The following ADK variants were observed in gnomAD, a reference collection of about 807,000 sequenced individuals.
ADK encodes adenosine kinase.
ADK carries 24 observed loss-of-function variants against 44.7 expected under a neutral mutation model. The ratio of observed to expected loss-of-function variants is 0.54; its 90% CI spans 0.39 to 0.76. The LOEUF (loss-of-function observed/expected upper bound fraction) is 0.76. Ranked by LOEUF, ADK falls within the 30% of genes least tolerant of loss-of-function variation. ADK has a pLI of 0.00. For missense variants in ADK, 321 were observed against 425.1 expected (o/e 0.76, Z 2.15); for synonymous variants, 128 against 142.6 (o/e 0.90, Z 0.73).
intron 9 of ADK, among the ~76,000 whole-genome samples, chr10:74,665,736 TGAGAGAGAGAGAGAGAGAGA>T (rs59620474): frequency 1.2e-4 from 14 of 116,206 alleles, no homozygotes; most frequent in East Asian, 6.9e-4. Flanking sequence ...CCTTAGCTCT[TGAGAGAGAGAGAGAGAGAGA>T]GAGAGAGAGA....
At chr10:74,652,079 G>A (rs146374370) in intron 9 of ADK, among the ~76,000 whole-genome samples, 199 of 142,952 alleles carry the variant, frequency 1.4e-3, no homozygotes, top group African/African-American at 5.0e-3. Context: ...ACAGAGTATA[G>A]ATCTTGTCAC....
At chr10:74,176,654 G>A in intron 1 of ADK, 1 of 1,411,086 alleles carries the variant, frequency 7.1e-7, no homozygotes, top group Non-Finnish European at 9.2e-7. Context: ...GTCTGGGGAC[G>A]ATCTCCAGCC....
intron 6 of ADK, among the ~76,000 whole-genome samples, chr10:74,448,882 T>TAAAA (rs528892869): frequency 2.3e-4 from 34 of 148,600 alleles, no homozygotes; most frequent in African/African-American, 8.1e-4. Flanking sequence ...CTGCCTTTTT[T>TAAAA]AAAAAAAAAA....
rs113874969 is a variant in ADK at position 74,264,575 on chromosome 10, A to G, written c.194+39984A>G. ...TATTTGCCATATATCTGTGCCTAGTATGTGACTTGTCTTTCATTTTGTGGT... is the reference window on the plus strand; with the variant it reads ...TATTTGCCATATATCTGTGCCTAGTGTGTGACTTGTCTTTCATTTTGTGGT... On this transcript the variant is annotated intron_variant, in intron 3 of 10. Transcript: ENST00000539909. 5.0e-3 allele frequency among the ~76,000 whole-genome samples: 763 copies of G among 152,234 alleles called. 11 individuals are homozygous for G. Among genetic ancestry groups the G allele is most frequent in the African/African-American group, 0.017 (711 of 41,552 alleles).
intron 7 of ADK, among the ~76,000 whole-genome samples, chr10:74,579,188 C>T (rs767058068): frequency 6.6e-6 from 1 of 150,904 alleles, no homozygotes; most frequent in Non-Finnish European, 1.5e-5. Flanking sequence ...GAGCTGAGAT[C>T]ATGCCACTGC....
intron 7 of ADK, among the ~76,000 whole-genome samples, chr10:74,569,525 C>G (rs1850848324): frequency 6.6e-6 from 1 of 152,160 alleles, no homozygotes; most frequent in South Asian, 2.1e-4. Flanking sequence ...CTCTGATGGC[C>G]AATGATGATG....
intron 3 of ADK, among the ~76,000 whole-genome samples, chr10:74,229,391 CT>C (rs371346131): frequency 3.3e-3 from 319 of 97,226 alleles, no homozygotes; most frequent in African/African-American, 8.7e-3. Context: ...ATCTGGTATG[CT>C]TTTTTTTTTT....
intron 3 of ADK, among the ~76,000 whole-genome samples, chr10:74,292,518 A>G (rs2132484721): frequency 1.3e-5 from 2 of 152,228 alleles, no homozygotes; most frequent in Middle Eastern, 3.4e-3. Flanking sequence ...TATTTAATGA[A>G]TCTGCTTGTA....
At chr10:74,476,283 C>T (rs1405859051) in intron 6 of ADK, among the ~76,000 whole-genome samples, 2 of 151,980 alleles carry the variant, frequency 1.3e-5, no homozygotes, top group Admixed American at 6.6e-5. Flanking sequence ...CACCTGAAGT[C>T]GGGAGTTCGA....
chr10:74,474,437 TTTTC>T (rs993907923), intron 6 of ADK, among the ~76,000 whole-genome samples: 7 of 152,046 alleles, frequency 4.6e-5, no homozygotes, highest in South Asian at 4.1e-4. Flanking sequence ...TAGTCTTTTC[TTTTC>T]TTTCTTTCTT....
At chr10:74,655,295 T>G in intron 9 of ADK, 1 of 464,830 alleles carries the variant, frequency 2.2e-6, no homozygotes, top group Non-Finnish European at 4.0e-6. Context: ...AGGGCCCAGC[T>G]GAAATGATGA....
At chr10:74,416,484 T>C (rs1564709632) in intron 6 of ADK, among the ~76,000 whole-genome samples, 1 of 152,008 alleles carries the variant, frequency 6.6e-6, no homozygotes, top group Non-Finnish European at 1.5e-5. Flanking sequence ...CTGAAAGATA[T>C]ATTGCTGCTT....
intron 6 of ADK, among the ~76,000 whole-genome samples, chr10:74,505,692 A>G (rs965380104): frequency 5.3e-5 from 8 of 151,808 alleles, no homozygotes; most frequent in African/African-American, 1.9e-4. Context: ...GGCGTTTTCC[A>G]TGATTTGATT....
At chr10:74,442,216 T>G (rs757804439) in intron 6 of ADK, among the ~76,000 whole-genome samples, 1 of 151,874 alleles carries the variant, frequency 6.6e-6, no homozygotes, top group Non-Finnish European at 1.5e-5. Context: ...TATCAAAAAG[T>G]CAAAATCATG....
intron 6 of ADK, among the ~76,000 whole-genome samples, chr10:74,416,406 A>G (rs561021704): frequency 6.6e-6 from 1 of 152,170 alleles, no homozygotes; most frequent in African/African-American, 2.4e-5. Context: ...GAGCACATTC[A>G]TATTAACTAA....
chr10:74,541,815 A>C (rs1849649878), intron 7 of ADK, among the ~76,000 whole-genome samples: 1 of 134,826 alleles, frequency 7.4e-6, no homozygotes, highest in Non-Finnish European at 1.6e-5. Context: ...CTAAAAAAAA[A>C]CAACACAACA....
intron 6 of ADK, among the ~76,000 whole-genome samples, chr10:74,499,452 GC>G (rs375698004): frequency 6.6e-6 from 1 of 152,252 alleles, no homozygotes; most frequent in African/African-American, 2.4e-5. Flanking sequence ...ACTTTGGGAG[GC>G]CGAGGCGGGT....
intron 9 of ADK, among the ~76,000 whole-genome samples, chr10:74,611,758 G>A (rs979540286): frequency 6.6e-6 from 1 of 151,370 alleles, no homozygotes; most frequent in Non-Finnish European, 1.5e-5. Context: ...AATTCACTTT[G>A]GATAATGTCC....
chr10:74,652,862 C>A (rs1854323237), intron 9 of ADK, among the ~76,000 whole-genome samples: 1 of 152,054 alleles, frequency 6.6e-6, no homozygotes, highest in Non-Finnish European at 1.5e-5. Context: ...GTTGTGTTTT[C>A]TAATTTCTAT....
Sources: allele counts gnomAD v4.1 joint callset (sites outside exome capture counted in the v4.1 genomes callset), GRCh38; gene constraint gnomAD v4.1.1; transcripts MANE v1.5; gene names NCBI Gene and HGNC (gene_info 2026-07-23, HGNC 2026-07-21).